The following UST variants were observed in gnomAD, a reference collection of about 807,000 sequenced individuals.
UST encodes the protein uronyl 2-sulfotransferase, also known as chondroitin sulfate 2-O-sulfotransferase.
In UST, 21 loss-of-function variants were observed where a neutral mutation model predicts 45.6. The observed-to-expected ratio is 0.46, with a 90% CI of 0.33 to 0.66. The LOEUF (loss-of-function observed/expected upper bound fraction) is 0.66. Ranked by LOEUF, UST falls within the 30% of genes least tolerant of loss-of-function variation. The pLI, the probability that UST is intolerant of heterozygous loss-of-function variation, is 0.02. For missense variants in UST, 463 were observed against 512.4 expected (o/e 0.90, Z 0.93); for synonymous variants, 215 against 200.6 (o/e 1.07, Z -0.61).
chr6:148,914,118 C>T (rs1779535053), intron 2 of UST, among the ~76,000 whole-genome samples: 2 of 152,148 alleles, frequency 1.3e-5, no homozygotes, highest in Admixed American at 1.3e-4. Context: ...AGTTTTCATT[C>T]CAATGCAGTA....
chr6:148,945,061 A>G (rs1049528465), intron 3 of UST, among the ~76,000 whole-genome samples: 17 of 152,250 alleles, frequency 1.1e-4, no homozygotes, highest in Non-Finnish European at 2.1e-4. Context: ...TTCTCTTTAA[A>G]GAAAAGCAAA....
chr6:148,956,075 C>T (rs1780491785), intron 4 of UST: 1 of 152,174 alleles, frequency 6.6e-6, no homozygotes, highest in African/African-American at 2.4e-5. Flanking sequence ...CCTCTGGTGT[C>T]AGAACTGGCC....
intron 7 of UST, among the ~76,000 whole-genome samples, chr6:149,059,782 T>C (rs1776625494): frequency 6.6e-6 from 1 of 151,872 alleles, no homozygotes; most frequent in South Asian, 2.1e-4. Flanking sequence ...TAGTGTGGAG[T>C]TGAATCCCCC....
chr6:148,965,056 CGACT>C (rs1333662458), intron 5 of UST, among the ~76,000 whole-genome samples: 2 of 152,068 alleles, frequency 1.3e-5, no homozygotes, highest in African/African-American at 4.8e-5. Context: ...CAACTGCGAC[CGACT>C]GTTTCGGGTT....
intron 3 of UST, 133 bp downstream of exon 3, chr6:148,941,567 G>A: frequency 9.1e-7 from 1 of 1,104,414 alleles, no homozygotes; most frequent in South Asian, 1.7e-5. Flanking sequence ...CTGTATTTTT[G>A]CCAGAGTGTG....
intron 7 of UST, among the ~76,000 whole-genome samples, chr6:149,059,117 G>C (rs969628393): frequency 3.9e-5 from 6 of 152,192 alleles, no homozygotes; most frequent in Admixed American, 6.5e-5. Flanking sequence ...CTGACTTAGG[G>C]GGGTGGTTGT....
chr6:148,965,773 C>T (rs778239108), intron 5 of UST, among the ~76,000 whole-genome samples: 5 of 151,798 alleles, frequency 3.3e-5, no homozygotes, highest in Admixed American at 6.6e-5. Flanking sequence ...CACTCACCTT[C>T]GGTATTTGAT....
At chr6:149,040,267 ATTCT>A (rs1776292817) in intron 7 of UST, among the ~76,000 whole-genome samples, 1 of 152,214 alleles carries the variant, frequency 6.6e-6, no homozygotes, top group South Asian at 2.1e-4. Flanking sequence ...CACTTGTCTC[ATTCT>A]TTCTTTCTAG....
chr6:148,895,450 C>T (rs1287696898), intron 2 of UST, among the ~76,000 whole-genome samples: 1 of 152,184 alleles, frequency 6.6e-6, no homozygotes, highest in South Asian at 2.1e-4. Flanking sequence ...AGTCTGCTGT[C>T]TCTCAAACAA....
At chr6:148,992,771 A>T (rs577071231) in intron 5 of UST, among the ~76,000 whole-genome samples, 1 of 152,314 alleles carries the variant, frequency 6.6e-6, no homozygotes, top group African/African-American at 2.4e-5. Flanking sequence ...AGGTCAGGAA[A>T]TACATTTTAC....
intron 4 of UST, among the ~76,000 whole-genome samples, chr6:148,956,940 G>A (rs1043111615): frequency 6.6e-6 from 1 of 152,318 alleles, no homozygotes; most frequent in South Asian, 2.1e-4. Context: ...TGTGGGATGA[G>A]GACTCTGGGA....
chr6:148,898,180 T>C (rs1347468440), intron 2 of UST, among the ~76,000 whole-genome samples: 1 of 152,228 alleles, frequency 6.6e-6, no homozygotes, highest in Admixed American at 6.5e-5. Flanking sequence ...TCAGTTTCAC[T>C]CTGATGAACA....
intron 1 of UST, among the ~76,000 whole-genome samples, chr6:148,789,195 C>G (rs1675599084): frequency 6.6e-6 from 1 of 152,118 alleles, no homozygotes; most frequent in Non-Finnish European, 1.5e-5. Context: ...TTCCAGAAGG[C>G]TTAATTATTT....
intron 7 of UST, among the ~76,000 whole-genome samples, chr6:149,053,656 G>A (rs995050741): frequency 2.0e-5 from 3 of 152,192 alleles, no homozygotes; most frequent in Non-Finnish European, 2.9e-5. Flanking sequence ...GAGGTGAACC[G>A]ATGGTGCTGT....
chr6:148,918,113 C>T (rs1406347265), intron 2 of UST, among the ~76,000 whole-genome samples: 1 of 152,158 alleles, frequency 6.6e-6, no homozygotes, highest in Non-Finnish European at 1.5e-5. Flanking sequence ...TCCAGAAGTA[C>T]CTTAGTATTT....
chr6:148,800,774 ATTTTTTTTTTT>A (rs35096958), intron 1 of UST, among the ~76,000 whole-genome samples: 3 of 116,962 alleles, frequency 2.6e-5, no homozygotes, highest in African/African-American at 9.3e-5. Context: ...TTCAGATCAG[ATTTTTTTTTTT>A]TTTTTTTTTG....
At position 148,896,218 on chromosome 6, in the gene UST, T is replaced by C. The variant is rs1427324967; in HGVS notation, c.291+9189T>C. ...CAGTCTCCTTTGGTTAGCATCACTT[T>C]TACTTGCAAGAGTAGATTTCAGAGA... On this transcript the variant is annotated intron_variant, in intron 2 of 7. Transcript: ENST00000367463. 2.0e-5 allele frequency among the ~76,000 whole-genome samples: 3 copies of C among 152,358 alleles called. No individual in the cohort carries two copies. The East Asian group carries it at 5.8e-4, about 29-fold the overall frequency.
chr6:149,019,657 A>T (rs1228943716), intron 6 of UST, among the ~76,000 whole-genome samples: 1 of 152,236 alleles, frequency 6.6e-6, no homozygotes, highest in Non-Finnish European at 1.5e-5. Context: ...CCCTCGTAGC[A>T]TGTGTCACTG....
At chr6:149,037,891 G>A (rs1163836577) in intron 7 of UST, among the ~76,000 whole-genome samples, 1 of 152,214 alleles carries the variant, frequency 6.6e-6, no homozygotes, top group East Asian at 1.9e-4. Context: ...GGCTGCCTGG[G>A]TCAGCAAGGT....
Sources: allele counts gnomAD v4.1 joint callset (sites outside exome capture counted in the v4.1 genomes callset), GRCh38; gene constraint gnomAD v4.1.1; transcripts MANE v1.5; gene names NCBI Gene and HGNC (gene_info 2026-07-23, HGNC 2026-07-21).